The following TDRD3 variants were observed in gnomAD, a reference collection of about 807,000 sequenced individuals.
TDRD3 encodes tudor domain containing 3, also known as tudor domain-containing protein 3.
A neutral mutation model predicts 86.7 loss-of-function variants in TDRD3; 45 were observed. That is an observed-to-expected ratio of 0.52 (90% confidence interval 0.41 to 0.67). The LOEUF (loss-of-function observed/expected upper bound fraction) is 0.67, where lower values mean the gene tolerates loss of function less well. Ranked by LOEUF, TDRD3 falls within the 30% of genes least tolerant of loss-of-function variation. TDRD3 has a pLI of 0.00. For synonymous variants in TDRD3, 298 were observed against 301.7 expected (o/e 0.99, Z 0.13); for missense variants, 814 against 889.0 (o/e 0.92, Z 1.07).
chr13:60,558,797 C>T (rs1958261379), intron 12 of TDRD3, among the ~76,000 whole-genome samples: 2 of 151,816 alleles, frequency 1.3e-5, no homozygotes, highest in South Asian at 4.2e-4. Context: ...AAAGAGGCCA[C>T]CCCACCTCTC....
At chr13:60,524,158 G>A (rs1297690877) in intron 10 of TDRD3, among the ~76,000 whole-genome samples, 2 of 152,042 alleles carry the variant, frequency 1.3e-5, no homozygotes, top group Non-Finnish European at 2.9e-5. Flanking sequence ...GAATCTGACT[G>A]GGGAACCAAG....
intron 6 of TDRD3, chr13:60,484,667 AAT>A: frequency 2.2e-6 from 1 of 447,536 alleles, no homozygotes; most frequent in Non-Finnish European, 4.5e-6. Flanking sequence ...TTTAAAAAAT[AAT>A]GTTGATTTTT....
intron 5 of TDRD3, among the ~76,000 whole-genome samples, chr13:60,473,606 A>G (rs924266498): frequency 6.6e-6 from 1 of 152,244 alleles, no homozygotes; most frequent in Admixed American, 6.5e-5. Flanking sequence ...ATTAGTTTGT[A>G]GTATTACTCT....
intron 12 of TDRD3, among the ~76,000 whole-genome samples, chr13:60,555,445 T>C (rs757735226): frequency 2.0e-5 from 3 of 152,084 alleles, no homozygotes; most frequent in Non-Finnish European, 4.4e-5. Context: ...TAATGTTTAC[T>C]TTACACACTA....
At chr13:60,512,819 A>C (rs1957088151) in intron 10 of TDRD3, among the ~76,000 whole-genome samples, 1 of 152,118 alleles carries the variant, frequency 6.6e-6, no homozygotes, top group Non-Finnish European at 1.5e-5. Flanking sequence ...CAGCTGCTTT[A>C]ATGGGCTGGC....
At chr13:60,470,114 A>G (rs1189787710) in intron 5 of TDRD3, among the ~76,000 whole-genome samples, 2 of 152,070 alleles carry the variant, frequency 1.3e-5, no homozygotes, top group Non-Finnish European at 2.9e-5. Context: ...AGTAACTCAT[A>G]TGTGTGGAAT....
Position 60,510,674 on chromosome 13 carries a change from G to C in TDRD3, c.1060G>C (p.Asp354His). 1 of 1,606,386 alleles carries C rather than the reference G, an allele frequency of 6.2e-7. No individual in the cohort carries two copies. Among genetic ancestry groups the C allele is most frequent in the Non-Finnish European group, 8.5e-7 (1 of 1,176,342 alleles). The change falls in exon 10 of 14, where the codon GAC (aspartate) becomes CAC (histidine). Residue 354 changes from aspartate to histidine, a missense_variant. Physicochemically the swap from Asp to His is moderately conservative, Grantham distance 81. Coordinates refer to ENST00000377881, the MANE Select transcript of TDRD3 (RefSeq NM_001146070.2). ...GCGAATAAGATCTGAAGATGAAGAG[G>C]ACCTGGGAAATGCAAGGCCATCAGC... The part of the protein sequence containing the change: ...RGRIRSEDEE[D>H]LGNARPSAPS...
chr13:60,437,927 A>G (rs1332987221), intron 1 of TDRD3, among the ~76,000 whole-genome samples: 5 of 151,994 alleles, frequency 3.3e-5, no homozygotes, highest in African/African-American at 1.2e-4. Flanking sequence ...CTTCACACTT[A>G]CTCACTTCCA....
At chr13:60,397,850 C>G (rs111984546) in intron 1 of TDRD3, among the ~76,000 whole-genome samples, 2 of 152,204 alleles carry the variant, frequency 1.3e-5, no homozygotes, top group Middle Eastern at 3.4e-3. Context: ...GCGGCCGGAG[C>G]CCGCGGGCCC....
chr13:60,446,916 C>T (rs1311656324), intron 3 of TDRD3, among the ~76,000 whole-genome samples: 3 of 152,032 alleles, frequency 2.0e-5, no homozygotes, highest in African/African-American at 2.4e-5. Context: ...ACTACTGATC[C>T]GTTACTTACT....
upstream of TDRD3, among the ~76,000 whole-genome samples, chr13:60,396,164 AGAAGCAGGG>A (rs1420736660): frequency 3.9e-5 from 6 of 152,198 alleles, no homozygotes; most frequent in African/African-American, 1.4e-4. Context: ...TGATGCCCTT[AGAAGCAGGG>A]GCAGCGGCAA....
chr13:60,451,445 G>A (rs769526283), intron 3 of TDRD3, among the ~76,000 whole-genome samples: 2 of 152,146 alleles, frequency 1.3e-5, no homozygotes, highest in African/African-American at 2.4e-5. Context: ...TCCAGCTCGT[G>A]AAGTTCATTG....
At chr13:60,537,631 G>T (rs1957726809) in intron 12 of TDRD3, 1 of 152,022 alleles carries the variant, frequency 6.6e-6, no homozygotes, top group South Asian at 2.1e-4. Flanking sequence ...GAAGGTAACT[G>T]TAACTGATAA....
At chr13:60,462,645 A>G (rs1357346495) in intron 4 of TDRD3, among the ~76,000 whole-genome samples, 1 of 151,818 alleles carries the variant, frequency 6.6e-6, no homozygotes, top group Non-Finnish European at 1.5e-5. Flanking sequence ...TTTCTGTCCT[A>G]CCTCCTGCCC....
Position 60,439,834 on chromosome 13 carries a change from C to T in TDRD3, c.126+62C>T, listed in dbSNP as rs774413537. On this transcript the variant is annotated intron_variant, in intron 2 of 13. Transcript: ENST00000377881. ...CTGGAAGCTGTATTCATAAAAAAGT[C>T]TCAGAGTAAATTGGGTTATATGATA... 3.1e-5 allele frequency: 38 copies of T among 1,223,104 alleles called. 1 individual carries two copies. The highest frequency in any genetic ancestry group is 4.3e-5 in the Non-Finnish European group (38 of 892,034). 75.8% of individuals were successfully genotyped at this position (1,223,104 alleles called of 1,614,324 possible).
chr13:60,439,072 A>G (rs1354538438), intron 1 of TDRD3, among the ~76,000 whole-genome samples: 1 of 152,068 alleles, frequency 6.6e-6, no homozygotes, highest in Non-Finnish European at 1.5e-5. Flanking sequence ...GCTGATTTGG[A>G]CTGGATAAAA....
rs564461942 is a variant in TDRD3 at position 60,485,915 on chromosome 13, G to A, written c.684G>A (p.Thr228=). 43 of 1,608,574 alleles carry A rather than the reference G, an allele frequency of 2.7e-5. No homozygotes were observed. In the Middle Eastern group the frequency reaches 3.1e-3, roughly 118 times the overall value. The change falls in exon 7 of 14, where the codon ACG becomes ACA. Residue 228 remains threonine (T), a synonymous_variant. Coordinates refer to ENST00000377881, the MANE Select transcript of TDRD3 (RefSeq NM_001146070.2). The part of the protein sequence containing the change: ...NDNDEFEKQR[T]AAIAEVAKSK... Reference sequence around the variant, plus strand: ...ATGATGAATTTGAAAAGCAAAGGACGGCTGCTATTGCTGAAGTTGCAAAGA... The same window carrying A: ...ATGATGAATTTGAAAAGCAAAGGACAGCTGCTATTGCTGAAGTTGCAAAGA...
intron 2 of TDRD3, among the ~76,000 whole-genome samples, chr13:60,443,664 A>G (rs1955334726): frequency 6.6e-6 from 1 of 151,904 alleles, no homozygotes; most frequent in Admixed American, 6.6e-5. Context: ...CATCACAGTA[A>G]TTTTAATCAT....
At chr13:60,543,505 G>A (rs976932239) in intron 12 of TDRD3, among the ~76,000 whole-genome samples, 1 of 151,842 alleles carries the variant, frequency 6.6e-6, no homozygotes, top group Non-Finnish European at 1.5e-5. Flanking sequence ...TTTTTTTCCT[G>A]TATAGAACCT....
Sources: gnomAD v4.1 joint callset for allele counts (sites outside exome capture counted in the v4.1 genomes callset) on GRCh38, gnomAD v4.1.1 for gene constraint, MANE v1.5 for transcripts, NCBI Gene and HGNC (gene_info 2026-07-23, HGNC 2026-07-21) for gene names.